Variants in ABHD17C observed in about 807,000 individuals in gnomAD.
ABHD17C encodes abhydrolase domain containing 17C, depalmitoylase.
A neutral mutation model predicts 27.9 loss-of-function variants in ABHD17C; 11 were observed. That is an observed-to-expected ratio of 0.39 (90% CI 0.25 to 0.65). The LOEUF is 0.65. Ranked by LOEUF, ABHD17C falls within the 30% of genes least tolerant of loss-of-function variation. The pLI, the probability that ABHD17C is intolerant of heterozygous loss-of-function variation, is 0.45. For missense variants in ABHD17C, 280 were observed against 470.2 expected (o/e 0.60, Z 3.74); for synonymous variants, 233 against 209.1 (o/e 1.11, Z -0.98).
chr15:80,715,460 A>T (rs1894791195), intron 1 of ABHD17C, among the ~76,000 whole-genome samples: 1 of 152,210 alleles, frequency 6.6e-6, no homozygotes, highest in South Asian at 2.1e-4. Context: ...AAAGCGGGGA[A>T]ATGATAATTG....
intron 1 of ABHD17C, among the ~76,000 whole-genome samples, chr15:80,740,046 T>G (rs993404755): frequency 2.0e-5 from 3 of 152,166 alleles, no homozygotes; most frequent in African/African-American, 4.8e-5. Context: ...TTGTTTTGTT[T>G]TCTTGCCCTA....
At chr15:80,704,218 C>T (rs1048446844) in intron 1 of ABHD17C, among the ~76,000 whole-genome samples, 4 of 152,250 alleles carry the variant, frequency 2.6e-5, no homozygotes, top group African/African-American at 9.6e-5. Flanking sequence ...TCCAGGGAGC[C>T]TGAAGCTCCT....
In ABHD17C at chr15:80,754,217, C is replaced by T. The variant is rs1208190279; in HGVS notation, c.837C>T (p.Ile279=). The T allele has an allele frequency of 9.3e-6, 15 of 1,613,818 alleles. No individual in the cohort carries two copies. The highest frequency in any genetic ancestry group is 1.2e-5 in the Non-Finnish European group (14 of 1,179,886). ...LVIHGTEDEV[I]DFSHGLAMYE... Reference sequence around the variant, plus strand: ...TTCATGGTACAGAGGATGAGGTCATCGATTTCTCCCATGGCCTAGCGATGT... The same window carrying T: ...TTCATGGTACAGAGGATGAGGTCATTGATTTCTCCCATGGCCTAGCGATGT... The change falls in exon 3 of 3, where the codon ATC becomes ATT. Residue 279 remains isoleucine (I), a synonymous_variant. Coordinates refer to ENST00000258884, the MANE Select transcript of ABHD17C (RefSeq NM_021214.2).
At chr15:80,741,040 C>T (rs1310952482) in intron 1 of ABHD17C, among the ~76,000 whole-genome samples, 1 of 152,136 alleles carries the variant, frequency 6.6e-6, no homozygotes, top group Non-Finnish European at 1.5e-5. Context: ...ATAGCTTGTA[C>T]CCTGCCTGGT....
Position 80,695,355 on chromosome 15 carries a change from G to GCGTCCGT in ABHD17C, c.-73_-67dup. Reference sequence around the variant, plus strand: ...GCTCGCCTGCCAGCTCCCTCGCCGCGCGTCCGTCCTCCGTCCTCCCGGGCC... The same window carrying GCGTCCGT: ...GCTCGCCTGCCAGCTCCCTCGCCGCGCGTCCGTCGTCCGTCCTCCGTCCTCCCGGGCC... On this transcript the variant is annotated 5_prime_UTR_variant, in exon 1 of 3. Coordinates refer to ENST00000258884, the MANE Select transcript of ABHD17C (RefSeq NM_021214.2). The surrounding 1 kb of genome is among the most constrained non-coding windows in gnomAD (Gnocchi z 4.3). 2.0e-6 allele frequency: 2 copies of GCGTCCGT among 1,012,168 alleles called. No homozygotes were observed. Among genetic ancestry groups the GCGTCCGT allele is most frequent in the Non-Finnish European group, 2.4e-6 (2 of 818,024 alleles). The allele number at this position is 1,012,168 out of a possible 1,614,324, so 62.7% of individuals were successfully genotyped here.
At chr15:80,747,702 G>A (rs1895309120) in intron 1 of ABHD17C, among the ~76,000 whole-genome samples, 1 of 152,132 alleles carries the variant, frequency 6.6e-6, no homozygotes, top group Non-Finnish European at 1.5e-5. Flanking sequence ...TGCATCTGGG[G>A]GCCTCTTCCA....
intron 1 of ABHD17C, among the ~76,000 whole-genome samples, chr15:80,729,794 T>C (rs1411199303): frequency 1.3e-5 from 2 of 152,130 alleles, no homozygotes; most frequent in Non-Finnish European, 2.9e-5. Flanking sequence ...CAGGACTGTT[T>C]GAGGTCCAGT....
At position 80,750,270 on chromosome 15, in the gene ABHD17C, G is replaced by A. The variant is rs114677902; in HGVS notation, c.770+578G>A. On this transcript the variant is annotated intron_variant, in intron 2 of 2. Transcript: ENST00000258884. Reference sequence around the variant, plus strand: ...TCTTCGGTAAATAGCCACAGGAATGGTATAAATGAACAAACTCACCTGCCA... The same window carrying A: ...TCTTCGGTAAATAGCCACAGGAATGATATAAATGAACAAACTCACCTGCCA... Among the ~76,000 whole-genome samples the A allele has an allele frequency of 4.2e-3, 635 of 152,320 alleles. 2 individuals are homozygous for A. Among genetic ancestry groups the A allele is most frequent in the African/African-American group, 0.015 (614 of 41,570 alleles).
intron 1 of ABHD17C, among the ~76,000 whole-genome samples, chr15:80,705,333 T>TTGTGTGTGTGTGTGTATGTGTGTG (rs1555421863): frequency 1.6e-4 from 17 of 106,892 alleles, no homozygotes; most frequent in African/African-American, 5.6e-4. Flanking sequence ...TTCCTATGAT[T>TTGTGTGTGTGTGTGTATGTGTGTG]TGTGTGTGTG....
intron 1 of ABHD17C, among the ~76,000 whole-genome samples, chr15:80,723,924 C>T (rs548444417): frequency 6.6e-5 from 10 of 152,248 alleles, no homozygotes; most frequent in South Asian, 2.1e-4. Flanking sequence ...ATTTTCAGTC[C>T]GGGTGCAGTA....
intron 1 of ABHD17C, among the ~76,000 whole-genome samples, chr15:80,721,345 TCCTCTGTGAAAGATA>T (rs532108111): frequency 5.7e-4 from 87 of 152,230 alleles, no homozygotes; most frequent in African/African-American, 2.1e-3. Flanking sequence ...CCTGTCTGAG[TCCTCTGTGAAAGATA>T]CTTGGGTCTT....
intron 2 of ABHD17C, among the ~76,000 whole-genome samples, chr15:80,750,674 G>T (rs897537088): frequency 6.6e-6 from 1 of 152,140 alleles, no homozygotes; most frequent in Admixed American, 6.5e-5. Context: ...TTTGTACCAG[G>T]ATTCAATGAG....
At chr15:80,707,234 A>G (rs1031615709) in intron 1 of ABHD17C, among the ~76,000 whole-genome samples, 2 of 152,212 alleles carry the variant, frequency 1.3e-5, no homozygotes, top group African/African-American at 4.8e-5. Flanking sequence ...GAAAGTGTGG[A>G]TGATTTTAGA....
intron 1 of ABHD17C, among the ~76,000 whole-genome samples, chr15:80,725,958 CAG>C (rs1894968355): frequency 6.6e-6 from 1 of 152,150 alleles, no homozygotes; most frequent in African/African-American, 2.4e-5. Context: ...AGTGGGAAAT[CAG>C]GGGTCTCACA....
In ABHD17C at chr15:80,695,637, C is replaced by T; in HGVS notation, c.208C>T (p.Gln70Ter). Reference protein sequence around the residue: ...AQATAAAAAAQPAPQQPEEGA... With the variant: ...AQATAAAAAA ...GGCTACCGCCGCCGCCGCCGCGGCCCAGCCGGCACCGCAGCAGCCCGAGGA... is the reference window on the plus strand; with the variant it reads ...GGCTACCGCCGCCGCCGCCGCGGCCTAGCCGGCACCGCAGCAGCCCGAGGA... The change falls in exon 1 of 3, where the codon CAG (glutamine) becomes TAG (stop). Residue 70 changes from glutamine to a stop codon, truncating the protein, a stop_gained. Coordinates refer to ENST00000258884, the MANE Select transcript of ABHD17C (RefSeq NM_021214.2). LOFTEE classifies it high-confidence loss of function. The surrounding 1 kb of genome is among the most constrained non-coding windows in gnomAD (Gnocchi z 4.3). 2.3e-6 allele frequency: 3 copies of T among 1,287,870 alleles called. No homozygotes were observed. Among genetic ancestry groups the T allele is most frequent in the Non-Finnish European group, 2.9e-6 (3 of 1,022,870 alleles). The allele number at this position is 1,287,870 out of a possible 1,614,324, so 79.8% of individuals were successfully genotyped here.
intron 1 of ABHD17C, among the ~76,000 whole-genome samples, chr15:80,703,663 ACAGC>A (rs1328580623): frequency 6.6e-6 from 1 of 152,234 alleles, no homozygotes; most frequent in East Asian, 1.9e-4. Flanking sequence ...GTGCACACAC[ACAGC>A]CAGAGTTGAG....
chr15:80,708,355 G>A (rs1354997099), intron 1 of ABHD17C, among the ~76,000 whole-genome samples: 3 of 151,866 alleles, frequency 2.0e-5, no homozygotes, highest in Non-Finnish European at 2.9e-5. Context: ...TTGCTCTGTC[G>A]CCCAGGCTGG....
intron 1 of ABHD17C, among the ~76,000 whole-genome samples, chr15:80,717,765 A>G (rs988721494): frequency 2.0e-5 from 3 of 152,174 alleles, no homozygotes; most frequent in Non-Finnish European, 4.4e-5. Context: ...TTTTTCTTCA[A>G]AAGTTGAATT....
chr15:80,747,659 A>AT lies in ABHD17C; in HGVS notation c.591-1853dup, dbSNP rs1895308656. On this transcript the variant is annotated intron_variant, in intron 1 of 2. Coordinates refer to ENST00000258884, the MANE Select transcript of ABHD17C (RefSeq NM_021214.2). Reference sequence around the variant, plus strand: ...TTAGTAACCTGTTACGCCAACGGGAATGAAGCCCCAGGCAAGAACGCCAGG... The same window carrying AT: ...TTAGTAACCTGTTACGCCAACGGGAATTGAAGCCCCAGGCAAGAACGCCAGG... 4.6e-5 allele frequency among the ~76,000 whole-genome samples: 7 copies of AT among 152,184 alleles called. No homozygotes were observed. In the South Asian group the frequency reaches 1.4e-3, roughly 32 times the overall value.
Sources: gnomAD v4.1 joint callset for allele counts (sites outside exome capture counted in the v4.1 genomes callset) on GRCh38, gnomAD v4.1.1 for gene constraint, Gnocchi (gnomAD v3.1) non-coding constraint, MANE v1.5 for transcripts, NCBI Gene and HGNC (gene_info 2026-07-23, HGNC 2026-07-21) for gene names.